BABAM2: variants seen among roughly 807,000 people sequenced by gnomAD.
BABAM2 encodes the protein BRISC and BRCA1 A complex member 2.
In BABAM2, 31 loss-of-function variants were observed where a neutral mutation model predicts 54.7. The observed-to-expected ratio is 0.57, with a 90% CI of 0.43 to 0.77. The LOEUF (loss-of-function observed/expected upper bound fraction) is 0.77, where lower values mean the gene tolerates loss of function less well. Ranked by LOEUF, BABAM2 falls within the 30% of genes least tolerant of loss-of-function variation. The pLI is 0.00. For missense variants in BABAM2, 364 were observed against 455.8 expected (o/e 0.80, Z 1.83); for synonymous variants, 167 against 162.9 (o/e 1.03, Z -0.19).
At chr2:28,196,216 A>C (rs1677523695) in intron 7 of BABAM2, among the ~76,000 whole-genome samples, 1 of 151,884 alleles carries the variant, frequency 6.6e-6, no homozygotes, top group Non-Finnish European at 1.5e-5. Context: ...AGTCCCAGCT[A>C]CTCGGGAGGC....
At chr2:28,169,505 G>A (rs577604179) in intron 7 of BABAM2, among the ~76,000 whole-genome samples, 6 of 152,146 alleles carry the variant, frequency 3.9e-5, no homozygotes, top group African/African-American at 1.4e-4. Flanking sequence ...GGCCAGGTGG[G>A]GTGGCTTACA....
At chr2:27,949,308 G>A (rs1000273176) in intron 3 of BABAM2, among the ~76,000 whole-genome samples, 12 of 152,128 alleles carry the variant, frequency 7.9e-5, no homozygotes, top group African/African-American at 1.9e-4. Flanking sequence ...CGAGACAGGC[G>A]GATCACCTGA....
intron 3 of BABAM2, among the ~76,000 whole-genome samples, chr2:27,938,398 T>G (rs538740089): frequency 6.5e-4 from 94 of 144,710 alleles, no homozygotes; most frequent in African/African-American, 2.2e-3. Flanking sequence ...GGTCTTTGCC[T>G]TTTTTTTTTT....
intron 10 of BABAM2, among the ~76,000 whole-genome samples, chr2:28,245,089 T>C (rs1682793833): frequency 6.6e-6 from 1 of 152,108 alleles, no homozygotes; most frequent in Admixed American, 6.6e-5. Context: ...CCTGGAGACA[T>C]TTTTGATTGT....
chr2:28,255,842 T>G (rs1031578837), intron 10 of BABAM2, among the ~76,000 whole-genome samples: 2 of 152,044 alleles, frequency 1.3e-5, no homozygotes, highest in Non-Finnish European at 2.9e-5. Flanking sequence ...ATTTTTGTAT[T>G]TTTTGTGGAG....
At chr2:28,183,533 G>A (rs1675872757) in intron 7 of BABAM2, among the ~76,000 whole-genome samples, 1 of 152,166 alleles carries the variant, frequency 6.6e-6, no homozygotes, top group South Asian at 2.1e-4. Flanking sequence ...TAGCTGCCCA[G>A]TGGGACAGAT....
chr2:27,959,682 G>C (rs567793518), intron 3 of BABAM2, among the ~76,000 whole-genome samples: 321 of 152,176 alleles, frequency 2.1e-3, no homozygotes, highest in Non-Finnish European at 3.6e-3. Context: ...GACACTGCTT[G>C]ATTTCCTTCT....
At chr2:28,129,167 G>C in intron 6 of BABAM2, 104 bp from the exon 7 acceptor site, 1 of 1,032,766 alleles carries the variant, frequency 9.7e-7, no homozygotes, top group African/African-American at 1.6e-5. Context: ...GTGGAATAAG[G>C]GTAACTCACA....
At chr2:28,311,563 G>C (rs1280167463) in intron 11 of BABAM2, among the ~76,000 whole-genome samples, 2 of 152,162 alleles carry the variant, frequency 1.3e-5, no homozygotes, top group South Asian at 2.1e-4. Context: ...AAAAAGCAAA[G>C]GATAGTGGCC....
chr2:27,997,344 G>C (rs1673234713), intron 4 of BABAM2, among the ~76,000 whole-genome samples: 1 of 152,098 alleles, frequency 6.6e-6, no homozygotes, highest in Admixed American at 6.5e-5. Flanking sequence ...TGGAGAACTG[G>C]TTTGTGTGTT....
At chr2:28,071,459 T>TG (rs972627504) in intron 6 of BABAM2, among the ~76,000 whole-genome samples, 4 of 152,208 alleles carry the variant, frequency 2.6e-5, no homozygotes, top group African/African-American at 9.6e-5. Context: ...TCAATTCCTT[T>TG]GGCAGTGTTA....
intron 5 of BABAM2, among the ~76,000 whole-genome samples, chr2:28,043,145 T>C (rs1396407862): frequency 6.6e-6 from 1 of 151,488 alleles, no homozygotes. Context: ...TTTTTTTTTT[T>C]TTAGACGGAG....
chr2:28,321,007 T>A (rs1382757942), intron 11 of BABAM2, among the ~76,000 whole-genome samples: 1 of 152,242 alleles, frequency 6.6e-6, no homozygotes, highest in East Asian at 1.9e-4. Context: ...AAATGTTATA[T>A]ATATACCTAT....
At position 28,167,700 on chromosome 2, in the gene BABAM2, AT is replaced by A. The variant is rs761303257; in HGVS notation, c.680+38321del. Reference sequence around the variant, plus strand: ...CAGAGCGAGACTCCATCTCAAAAAAATAAATAAATAAATAAATAAATAAATA... The same window carrying A: ...CAGAGCGAGACTCCATCTCAAAAAAAAAATAAATAAATAAATAAATAAATA... On this transcript the variant is annotated intron_variant, in intron 7 of 11. Transcript: ENST00000379624. Among the ~76,000 whole-genome samples, 127 of 38,382 alleles carry A rather than the reference AT, an allele frequency of 3.3e-3. 3 individuals are homozygous for A. The highest frequency in any genetic ancestry group is 0.014 in the East Asian group (7 of 518). The allele number at this position is 38,382 out of a possible 152,430, so 25.2% of individuals were successfully genotyped here. A position where few individuals can be genotyped will look rare whatever the true frequency, so the allele number is the denominator to read the frequency against.
intron 6 of BABAM2, among the ~76,000 whole-genome samples, chr2:28,120,114 A>C (rs1297053970): frequency 6.6e-6 from 1 of 152,196 alleles, no homozygotes; most frequent in Non-Finnish European, 1.5e-5. Flanking sequence ...TATAGCCTTT[A>C]GTCTTTACAC....
At chr2:27,994,046 T>C (rs1255464755) in intron 4 of BABAM2, among the ~76,000 whole-genome samples, 2 of 152,218 alleles carry the variant, frequency 1.3e-5, no homozygotes, top group Admixed American at 6.5e-5. Flanking sequence ...TATTTTAAAA[T>C]AGAATGTTCT....
intron 7 of BABAM2, among the ~76,000 whole-genome samples, chr2:28,211,771 A>T (rs1399030559): frequency 6.6e-6 from 1 of 152,134 alleles, no homozygotes. Context: ...AGACATTGTC[A>T]TTTCACTTAA....
At chr2:28,221,999 C>G (rs539197801) in intron 7 of BABAM2, among the ~76,000 whole-genome samples, 1 of 152,144 alleles carries the variant, frequency 6.6e-6, no homozygotes, top group Non-Finnish European at 1.5e-5. Flanking sequence ...CCTGAGTTAG[C>G]CCCAGACTGT....
intron 7 of BABAM2, among the ~76,000 whole-genome samples, chr2:28,222,700 C>T (rs937343583): frequency 1.3e-5 from 2 of 152,206 alleles, no homozygotes; most frequent in Non-Finnish European, 2.9e-5. Flanking sequence ...ATTAGGCCAA[C>T]CTCAATTATA....
Sources: gnomAD v4.1 joint callset for allele counts (sites outside exome capture counted in the v4.1 genomes callset) on GRCh38, gnomAD v4.1.1 for gene constraint, MANE v1.5 for transcripts, NCBI Gene and HGNC (gene_info 2026-07-23, HGNC 2026-07-21) for gene names.